FRY: variants seen among roughly 807,000 people sequenced by gnomAD.
FRY encodes the protein FRY microtubule binding protein, also known as protein furry homolog.
A neutral mutation model predicts 348.4 loss-of-function variants in FRY; 128 were observed. The observed-to-expected ratio is 0.37, with a 90% confidence interval of 0.32 to 0.43. The LOEUF (loss-of-function observed/expected upper bound fraction) is 0.43, where lower values mean the gene tolerates loss of function less well. FRY is among the 20% of genes least tolerant of loss of function. FRY has a pLI of 1.00. For synonymous variants in FRY, 1,370 were observed against 1,374.7 expected (o/e 1.00, Z 0.08); for missense variants, 2,736 against 3,695.2 (o/e 0.74, Z 6.73).
rs569983010 is a variant in FRY, at chr13:32,271,906, G to T, written c.8137-2936G>T. 1.6e-4 allele frequency among the ~76,000 whole-genome samples: 24 copies of T among 152,328 alleles called. 1 individual carries two copies. The highest frequency in any genetic ancestry group is 1.0e-3 in the Admixed American group (16 of 15,304). The stretch of plus-strand genomic sequence containing the variant: ...TTAAAATGCAAATGAGCTGGAAGGT[G>T]GGGCCAGGCATGGGCCCTGGGGGGA... On this transcript the variant is annotated intron_variant, in intron 55 of 60. Coordinates refer to ENST00000542859, the MANE Select transcript of FRY (RefSeq NM_023037.3).
At chr13:32,200,884 G>C (rs950717587) in intron 29 of FRY, among the ~76,000 whole-genome samples, 1 of 151,936 alleles carries the variant, frequency 6.6e-6, no homozygotes, top group Non-Finnish European at 1.5e-5. Context: ...TGTCTCTACT[G>C]TTTCTGCCCT....
At chr13:32,135,669 G>A (rs544936232) in intron 10 of FRY, among the ~76,000 whole-genome samples, 3 of 152,264 alleles carry the variant, frequency 2.0e-5, no homozygotes, top group East Asian at 1.9e-4. Context: ...GGAAGGTTTC[G>A]GTACTGAAGA....
rs535002311 is a variant in FRY at position 32,106,906 on chromosome 13, C to T, written c.324+4890C>T. 5.3e-5 allele frequency among the ~76,000 whole-genome samples: 8 copies of T among 152,310 alleles called. No homozygotes were observed. The East Asian group carries it at 1.5e-3, about 29-fold the overall frequency. On this transcript the variant is annotated intron_variant, in intron 3 of 60. Transcript: ENST00000542859. ...CTTTCTTTCCCACTGTGGGTTTCTC[C>T]TCAAATTTGCCAGTTTTCCAGTTTG...
intron 7 of FRY, among the ~76,000 whole-genome samples, chr13:32,129,959 GA>G (rs1190002914): frequency 6.6e-6 from 1 of 151,304 alleles, no homozygotes; most frequent in East Asian, 1.9e-4. Context: ...TATTTGTCCT[GA>G]AATTTCTGCT....
At chr13:32,212,052 G>A (rs117482996) in intron 34 of FRY, among the ~76,000 whole-genome samples, 1 of 152,196 alleles carries the variant, frequency 6.6e-6, no homozygotes, top group African/African-American at 2.4e-5. Flanking sequence ...CAAGAATGTA[G>A]GCTTGCTTTA....
At chr13:32,112,536 T>C (rs1251226404) in intron 3 of FRY, among the ~76,000 whole-genome samples, 1 of 152,206 alleles carries the variant, frequency 6.6e-6, no homozygotes, top group Non-Finnish European at 1.5e-5. Context: ...GTGGTCAGTC[T>C]CACATGTTGG....
rs143334390 is a variant in FRY at position 32,166,241 on chromosome 13, C to G, written c.1893-4771C>G. Among the ~76,000 whole-genome samples, 355 of 152,346 alleles carry G rather than the reference C, an allele frequency of 2.3e-3. 1 individual carries two copies. Among genetic ancestry groups the G allele is most frequent in the African/African-American group, 8.2e-3 (340 of 41,584 alleles). Reference sequence around the variant, plus strand: ...TTCTCAAGTTGCTTTCTCTTAAAGTCTTTCTGTTCCCTCTTAATTGTTGCC... The same window carrying G: ...TTCTCAAGTTGCTTTCTCTTAAAGTGTTTCTGTTCCCTCTTAATTGTTGCC... On this transcript the variant is annotated intron_variant, in intron 17 of 60. Coordinates refer to ENST00000542859, the MANE Select transcript of FRY (RefSeq NM_023037.3).
In FRY at chr13:32,254,412, T is replaced by C; in HGVS notation, c.7416+18T>C. ...ATGGAGAGGTACGGTGTATTCTCTG[T>C]AAAAATAATCCCCGCACCCTTTTCC... On this transcript the variant is annotated intron_variant, in intron 51 of 60. Transcript: ENST00000542859. 1 of 1,607,560 alleles carries C rather than the reference T, an allele frequency of 6.2e-7. No homozygotes were observed.
intron 58 of FRY, among the ~76,000 whole-genome samples, chr13:32,278,760 A>G (rs1050127217): frequency 3.9e-5 from 6 of 152,236 alleles, no homozygotes; most frequent in Non-Finnish European, 8.8e-5. Context: ...TTGGAAAAGT[A>G]GAGGTATAAA....
At chr13:32,176,058 T>A (rs535579311) in intron 20 of FRY, among the ~76,000 whole-genome samples, 8 of 152,272 alleles carry the variant, frequency 5.3e-5, no homozygotes, top group Admixed American at 5.2e-4. Flanking sequence ...CTCAAAAATG[T>A]TAAGGGGTAA....
chr13:32,257,944 T>C (rs1338850879), intron 51 of FRY: 1 of 1,602,960 alleles, frequency 6.2e-7, no homozygotes, highest in African/African-American at 1.3e-5. Flanking sequence ...GTTTTTCTGC[T>C]CATTCAATCT....
chr13:32,287,220 A>G (rs1461966128), intron 58 of FRY, among the ~76,000 whole-genome samples: 1 of 152,148 alleles, frequency 6.6e-6, no homozygotes, highest in Non-Finnish European at 1.5e-5. Flanking sequence ...TATAAAAAGT[A>G]AAATGCAAGA....
intron 55 of FRY, among the ~76,000 whole-genome samples, chr13:32,269,731 T>C (rs1023369759): frequency 6.6e-6 from 1 of 152,120 alleles, no homozygotes; most frequent in African/African-American, 2.4e-5. Context: ...TAATCTGTTA[T>C]TCTAGTGAGC....
intron 36 of FRY, among the ~76,000 whole-genome samples, chr13:32,222,661 T>C (rs973999954): frequency 7.2e-5 from 11 of 152,212 alleles, no homozygotes; most frequent in African/African-American, 2.4e-4. Flanking sequence ...GCTCAGATTC[T>C]GGAGATGTTT....
At chr13:32,104,421 C>G (rs1050921276) in intron 3 of FRY, among the ~76,000 whole-genome samples, 2 of 152,242 alleles carry the variant, frequency 1.3e-5, no homozygotes, top group Admixed American at 1.3e-4. Flanking sequence ...TAACAAAACT[C>G]CCAGGTGACT....
At chr13:32,127,827 A>T (rs1263249721) in intron 7 of FRY, among the ~76,000 whole-genome samples, 1 of 152,192 alleles carries the variant, frequency 6.6e-6, no homozygotes, top group African/African-American at 2.4e-5. Context: ...TGAGAAATAA[A>T]TAAACTTTTA....
intron 41 of FRY, among the ~76,000 whole-genome samples, chr13:32,233,002 A>G (rs1886000848): frequency 6.7e-6 from 1 of 150,210 alleles, no homozygotes; most frequent in Admixed American, 6.6e-5. Context: ...TAACTTCCAC[A>G]TATAAAAAAA....
At chr13:32,064,646 C>G (rs374300293) in intron 1 of FRY, among the ~76,000 whole-genome samples, 187 of 152,274 alleles carry the variant, frequency 1.2e-3, no homozygotes, top group African/African-American at 4.3e-3. Flanking sequence ...CTCCTAAATT[C>G]GTGTGCTCAT....
intron 17 of FRY, among the ~76,000 whole-genome samples, chr13:32,163,633 G>T (rs1159717209): frequency 1.3e-5 from 2 of 152,122 alleles, no homozygotes. Flanking sequence ...TTTTTGAATG[G>T]CATGCAGTGT....
Sources: allele counts gnomAD v4.1 joint callset (sites outside exome capture counted in the v4.1 genomes callset), GRCh38; gene constraint gnomAD v4.1.1; transcripts MANE v1.5; gene names NCBI Gene and HGNC (gene_info 2026-07-23, HGNC 2026-07-21).